Variants in LIN9 observed in about 807,000 individuals in gnomAD.
The protein encoded by LIN9 is protein lin-9 homolog.
In LIN9, 18 loss-of-function variants were observed where a neutral mutation model predicts 78.0. The observed-to-expected ratio is 0.23, with a 90% CI of 0.16 to 0.34. The LOEUF is 0.34. Among genes scored for constraint, LIN9 ranks in the 10% least tolerant of loss-of-function variants. LIN9 has a pLI of 1.00. For synonymous variants in LIN9, 192 were observed against 215.2 expected, an observed-to-expected ratio of 0.89 and a Z score of 0.94; for missense variants, 451 against 644.1, an observed-to-expected ratio of 0.70 and a Z score of 3.25.
chr1:226,248,261 C>T (rs1658609219), intron 11 of LIN9, among the ~76,000 whole-genome samples: 2 of 152,160 alleles, frequency 1.3e-5, no homozygotes, highest in African/African-American at 4.8e-5. Context: ...TTTTAAAATA[C>T]TAATCTCACT....
chr1:226,282,446 T>C (rs1246344418), intron 6 of LIN9, among the ~76,000 whole-genome samples: 1 of 152,196 alleles, frequency 6.6e-6, no homozygotes, highest in Non-Finnish European at 1.5e-5. Flanking sequence ...CTCTCACCAG[T>C]AATATGTATG....
chr1:226,304,635 C>T (rs1662785464), intron 1 of LIN9, among the ~76,000 whole-genome samples: 1 of 152,108 alleles, frequency 6.6e-6, no homozygotes, highest in Non-Finnish European at 1.5e-5. Flanking sequence ...ATCTAAAAAA[C>T]TAGCTGTGAG....
Position 226,309,159 on chromosome 1 carries a change from T to C in LIN9, c.-20A>G, listed in dbSNP as rs763017380. On this transcript the variant is annotated 5_prime_UTR_variant, in exon 1 of 15. Coordinates refer to ENST00000681046, the MANE Select transcript of LIN9 (RefSeq NM_001366245.2). ...CGCCATCTTGAACGAGCCGCGCCGC[T>C]TTTTCAAAGGCTGCCCGCCGCGGTG... 1.4e-6 allele frequency: 2 copies of C among 1,390,870 alleles called. No homozygotes were observed. The highest frequency in any genetic ancestry group is 1.9e-5 in the South Asian group (1 of 53,910). 86.2% of individuals were successfully genotyped at this position (1,390,870 alleles called of 1,614,324 possible). A position where few individuals can be genotyped will look rare whatever the true frequency, so the allele number is the denominator to read the frequency against.
intron 11 of LIN9, among the ~76,000 whole-genome samples, chr1:226,239,592 G>A (rs1657970090): frequency 6.6e-6 from 1 of 152,150 alleles, no homozygotes. Flanking sequence ...TGATGTTAAG[G>A]AAGTTTCTTA....
At chr1:226,279,687 A>G (rs1209465447) in intron 6 of LIN9, among the ~76,000 whole-genome samples, 2 of 136,526 alleles carry the variant, frequency 1.5e-5, no homozygotes, top group Non-Finnish European at 3.1e-5. Context: ...AGGCGGGAGG[A>G]TTGTTTGAGC....
chr1:226,303,582 C>CT (rs368578640), intron 1 of LIN9, among the ~76,000 whole-genome samples: 1 of 151,838 alleles, frequency 6.6e-6, no homozygotes, highest in East Asian at 1.9e-4. Flanking sequence ...CACCTTTAAC[C>CT]TTTTTTTTCT....
At chr1:226,290,527 A>G (rs902892666) in intron 4 of LIN9, among the ~76,000 whole-genome samples, 9 of 151,464 alleles carry the variant, frequency 5.9e-5, no homozygotes, top group Non-Finnish European at 8.8e-5. Context: ...TTTTTTGTAG[A>G]GACGGGGTTT....
At chr1:226,285,967 C>T (rs1030869649) in intron 6 of LIN9, among the ~76,000 whole-genome samples, 5 of 152,054 alleles carry the variant, frequency 3.3e-5, no homozygotes, top group Admixed American at 2.0e-4. Context: ...AAGATGCATA[C>T]GTATAAACAG....
intron 11 of LIN9, among the ~76,000 whole-genome samples, chr1:226,249,445 G>GAGC (rs1237183835): frequency 1.3e-5 from 2 of 152,144 alleles, no homozygotes; most frequent in Admixed American, 1.3e-4. Context: ...CTGCTAAAGA[G>GAGC]AGCAGTATGA....
At chr1:226,299,504 C>CAAA (rs34440310) in intron 2 of LIN9, among the ~76,000 whole-genome samples, 1 of 88,934 alleles carries the variant, frequency 1.1e-5, no homozygotes, top group African/African-American at 4.4e-5. Flanking sequence ...GACTCAGTCT[C>CAAA]AAAAAAAAAA....
At chr1:226,246,302 T>C (rs1658473230) in intron 11 of LIN9, among the ~76,000 whole-genome samples, 1 of 152,154 alleles carries the variant, frequency 6.6e-6, no homozygotes, top group South Asian at 2.1e-4. Flanking sequence ...GAAATCTAGG[T>C]TGGTAGTTAT....
chr1:226,239,029 T>G lies in LIN9; in HGVS notation c.1187A>C (p.Glu396Ala), dbSNP rs1657925469. ...RRYATIVLEL[E>A]QLNKDLNKVL... ...TTTGTTTAGGTCCTTGTTCAGCTGT[T>G]CAAGCTCCAGAACAATTGTTGCATA... The change falls in exon 12 of 15, where the codon GAA (glutamate) becomes GCA (alanine). Residue 396 changes from glutamate (E) to alanine (A), a missense_variant. By Grantham distance (107) the Glu-to-Ala change is moderately radical. Transcript: ENST00000681046. 6.2e-7 allele frequency: 1 copy of G among 1,613,748 alleles called. No individual in the cohort carries two copies. The highest frequency in any genetic ancestry group is 1.3e-5 in the African/African-American group (1 of 74,928).
chr1:226,268,931 G>A (rs183685057), intron 7 of LIN9, among the ~76,000 whole-genome samples: 42 of 152,270 alleles, frequency 2.8e-4, no homozygotes, highest in Middle Eastern at 3.4e-3. Flanking sequence ...TTACCCATGA[G>A]TACATGTGCT....
intron 6 of LIN9, among the ~76,000 whole-genome samples, chr1:226,279,144 G>A (rs1394087877): frequency 6.6e-6 from 1 of 151,464 alleles, no homozygotes; most frequent in Non-Finnish European, 1.5e-5. Context: ...CTGGGCAACA[G>A]AGCGAGACTC....
chr1:226,244,077 T>C (rs1658302200), intron 11 of LIN9, among the ~76,000 whole-genome samples: 1 of 148,274 alleles, frequency 6.7e-6, no homozygotes, highest in Admixed American at 6.8e-5. Flanking sequence ...GGTTTCACCA[T>C]GTTGGCCAGG....
Position 226,266,215 on chromosome 1 carries a change from T to A in LIN9, c.934A>T (p.Ile312Leu), listed in dbSNP as rs920307435. Residue 312 changes from isoleucine (I) to leucine (L), a missense_variant and splice_region_variant, in exon 9 of 15, where the codon ATA becomes TTA. By Grantham distance (5) the Ile-to-Leu change is conservative. Coordinates refer to ENST00000681046, the MANE Select transcript of LIN9 (RefSeq NM_001366245.2). Reference sequence around the variant, plus strand: ...TGATATTTCTAAAATATACTTACTATAATTGGTGACTGGAGAGGAGGAGTA... The same window carrying A: ...TGATATTTCTAAAATATACTTACTAAAATTGGTGACTGGAGAGGAGGAGTA... Reference protein sequence around the residue: ...HYTPPLQSPIIDNDPLLGQSP... With the variant: ...HYTPPLQSPILDNDPLLGQSP... 1 of 1,563,580 alleles carries A rather than the reference T, an allele frequency of 6.4e-7. No homozygotes were observed. Among genetic ancestry groups the A allele is most frequent in the African/African-American group, 1.4e-5 (1 of 73,522 alleles).
intron 1 of LIN9, among the ~76,000 whole-genome samples, chr1:226,308,291 T>C (rs1040756908): frequency 8.5e-5 from 13 of 152,160 alleles, no homozygotes; most frequent in Non-Finnish European, 1.5e-4. Context: ...AGCATACATG[T>C]CTTAGATGTC....
intron 9 of LIN9, 128 bp downstream of exon 9, chr1:226,266,085 A>G (rs772702458): frequency 2.1e-6 from 1 of 467,308 alleles, no homozygotes; most frequent in Non-Finnish European, 3.6e-6. Flanking sequence ...TATTTATTTT[A>G]TTTAATATTT....
chr1:226,232,898 C>A (rs1174941596), intron 14 of LIN9, 198 bp downstream of exon 14: 2 of 500,212 alleles, frequency 4.0e-6, no homozygotes, highest in Non-Finnish European at 6.9e-6. Context: ...AAATATATGT[C>A]CTGATTTCTT....
Sources: allele counts gnomAD v4.1 joint callset (sites outside exome capture counted in the v4.1 genomes callset), GRCh38; gene constraint gnomAD v4.1.1; transcripts MANE v1.5; gene names NCBI Gene and HGNC (gene_info 2026-07-23, HGNC 2026-07-21).